The following SMAD9 variants were observed in gnomAD, a reference collection of about 807,000 sequenced individuals.
The protein encoded by SMAD9 is MAD homolog 9.
SMAD9 carries 36 observed loss-of-function variants against 46.1 expected under a neutral mutation model. That is an observed-to-expected ratio of 0.78 (90% confidence interval 0.60 to 1.03). SMAD9 has a LOEUF of 1.03. SMAD9 is among the 50% of genes least tolerant of loss of function. The pLI is 0.00. For missense variants in SMAD9, 572 were observed against 599.8 expected, an observed-to-expected ratio of 0.95 and a Z score of 0.48; for synonymous variants, 245 against 237.1, an observed-to-expected ratio of 1.03 and a Z score of -0.31.
intron 5 of SMAD9, 104 bp from the exon 6 acceptor site, chr13:36,853,779 C>A: frequency 1.7e-6 from 2 of 1,145,930 alleles, no homozygotes; most frequent in South Asian, 2.5e-5. Flanking sequence ...ATCAGGTTGT[C>A]AGATCACTGA....
At position 36,892,739 on chromosome 13, in the gene SMAD9, G is replaced by C. The variant is rs1272274439; in HGVS notation, c.-186-12864C>G. Among the ~76,000 whole-genome samples, 3 of 152,110 alleles carry C rather than the reference G, an allele frequency of 2.0e-5. No individual in the cohort carries two copies. The East Asian group carries it at 5.8e-4, about 29-fold the overall frequency. On this transcript the variant is annotated intron_variant, in intron 1 of 6. Transcript: ENST00000379826. The stretch of plus-strand genomic sequence containing the variant: ...AATAATCCAGCACAAAGCCACAACT[G>C]AGATAGATCAATAGCTGTAATCTTG...
intron 1 of SMAD9, among the ~76,000 whole-genome samples, chr13:36,915,840 T>C (rs2058694698): frequency 6.6e-6 from 1 of 152,034 alleles, no homozygotes; most frequent in South Asian, 2.1e-4. Flanking sequence ...GGGAGTCGTT[T>C]TGATTCTTGA....
intron 1 of SMAD9, among the ~76,000 whole-genome samples, chr13:36,891,024 T>C (rs1366343407): frequency 6.6e-6 from 1 of 152,158 alleles, no homozygotes; most frequent in Non-Finnish European, 1.5e-5. Context: ...AGAAAATGTA[T>C]TAACTTCACT....
intron 6 of SMAD9, among the ~76,000 whole-genome samples, chr13:36,850,736 C>T (rs922252124): frequency 2.0e-5 from 3 of 152,164 alleles, no homozygotes; most frequent in Admixed American, 6.5e-5. Context: ...GAGTTAAATA[C>T]GGTCCCTTTG....
intron 1 of SMAD9, among the ~76,000 whole-genome samples, chr13:36,887,040 G>GTTTTTTTTTT (rs200264324): frequency 3.9e-5 from 4 of 102,542 alleles, no homozygotes; most frequent in Non-Finnish European, 5.6e-5. Context: ...CTTTGAATGG[G>GTTTTTTTTTT]TTTTTTTTTT....
At chr13:36,898,840 C>T (rs1197191221) in intron 1 of SMAD9, among the ~76,000 whole-genome samples, 2 of 152,174 alleles carry the variant, frequency 1.3e-5, no homozygotes, top group East Asian at 3.8e-4. Context: ...CTGAATACTT[C>T]TCCTAAGACT....
chr13:36,895,924 T>A (rs2058524036), intron 1 of SMAD9, among the ~76,000 whole-genome samples: 1 of 152,184 alleles, frequency 6.6e-6, no homozygotes, highest in Non-Finnish European at 1.5e-5. Context: ...GAGACTTAAG[T>A]TATTGTCACA....
rs11322701 is a variant in SMAD9 at position 36,911,615 on chromosome 13, TGGGG to T, written c.-187+8497_-187+8500del. 4.1e-3 allele frequency among the ~76,000 whole-genome samples: 350 copies of T among 84,396 alleles called. 4 individuals carry two copies. Among genetic ancestry groups the T allele is most frequent in the African/African-American group, 0.011 (329 of 30,434 alleles). The allele number at this position is 84,396 out of a possible 152,430, so 55.4% of individuals were successfully genotyped here. A position where few individuals can be genotyped will look rare whatever the true frequency, so the allele number is the denominator to read the frequency against. On this transcript the variant is annotated intron_variant, in intron 1 of 6. Coordinates refer to ENST00000379826, the MANE Select transcript of SMAD9 (RefSeq NM_001127217.3). ...GGCTGTTTCCCGGCCAAAGGCTGCCTGGGGGGGGGGGGGGCGGGTGGAGTTCATA... is the reference window on the plus strand; with the variant it reads ...GGCTGTTTCCCGGCCAAAGGCTGCCTGGGGGGGGGGCGGGTGGAGTTCATA...
intron 1 of SMAD9, among the ~76,000 whole-genome samples, chr13:36,902,848 T>C (rs549300673): frequency 1.3e-5 from 2 of 152,346 alleles, no homozygotes; most frequent in African/African-American, 4.8e-5. Flanking sequence ...AATTAGGATA[T>C]GGACGTTTGT....
intron 1 of SMAD9, among the ~76,000 whole-genome samples, chr13:36,913,304 A>T (rs1164214437): frequency 6.6e-6 from 1 of 152,100 alleles, no homozygotes; most frequent in African/African-American, 2.4e-5. Context: ...AATCCTGGAG[A>T]CTAGGATTTT....
intron 1 of SMAD9, among the ~76,000 whole-genome samples, chr13:36,889,066 G>C (rs745602135): frequency 2.0e-5 from 3 of 152,146 alleles, no homozygotes; most frequent in Non-Finnish European, 4.4e-5. Flanking sequence ...GTGGGAAACA[G>C]GTTGCCCACT....
chr13:36,880,726 A>G (rs1321153864), intron 1 of SMAD9, among the ~76,000 whole-genome samples: 1 of 152,244 alleles, frequency 6.6e-6, no homozygotes, highest in Non-Finnish European at 1.5e-5. Context: ...ATATGGAGAA[A>G]AGATGACAAT....
intron 1 of SMAD9, among the ~76,000 whole-genome samples, chr13:36,894,985 G>C (rs189308333): frequency 6.6e-6 from 1 of 152,224 alleles, no homozygotes; most frequent in Non-Finnish European, 1.5e-5. Context: ...CAGTTTTCCC[G>C]AATTGTTTGG....
intron 1 of SMAD9, among the ~76,000 whole-genome samples, chr13:36,909,982 G>A (rs2058647647): frequency 6.6e-6 from 1 of 152,110 alleles, no homozygotes; most frequent in African/African-American, 2.4e-5. Flanking sequence ...TGGATCACGA[G>A]GTCAGGAGAT....
intron 4 of SMAD9, among the ~76,000 whole-genome samples, 190 bp downstream of exon 4, chr13:36,867,083 C>T (rs147809449): frequency 5.9e-5 from 9 of 152,252 alleles, no homozygotes; most frequent in Non-Finnish European, 8.8e-5. Context: ...TGATGATAAA[C>T]AAAACATTAA....
At chr13:36,902,957 T>C (rs982251851) in intron 1 of SMAD9, among the ~76,000 whole-genome samples, 12 of 152,048 alleles carry the variant, frequency 7.9e-5, no homozygotes, top group South Asian at 2.1e-4. Flanking sequence ...CCTGAAAAGA[T>C]AAAGTCATCC....
intron 1 of SMAD9, among the ~76,000 whole-genome samples, chr13:36,882,158 C>A (rs2058408210): frequency 6.6e-6 from 1 of 151,720 alleles, no homozygotes; most frequent in Non-Finnish European, 1.5e-5. Flanking sequence ...GACTTTATTG[C>A]AGAGCAGCTG....
rs903206722 is a variant in SMAD9, at chr13:36,854,072, T to C, written c.1004-397A>G. ...TACTCGGGAGGCTCAGGCAGGAGAA[T>C]TGCTTGAACCTGGGAGGCAGAGGTT... On this transcript the variant is annotated intron_variant, in intron 5 of 6. Transcript: ENST00000379826. 2.0e-5 allele frequency among the ~76,000 whole-genome samples: 3 copies of C among 152,030 alleles called. 1 individual carries two copies.
rs1593581927 is a variant in SMAD9, at chr13:36,874,565, T to C, written c.413-1650A>G. Among the ~76,000 whole-genome samples, 3 of 152,002 alleles carry C rather than the reference T, an allele frequency of 2.0e-5. No individual in the cohort carries two copies. The South Asian group carries it at 6.2e-4, about 32-fold the overall frequency. ...AGGAGGAAGGAAGAAGATGAAAACATAAGTGAGTGAGGCTGGGCATGGTGG... is the reference window on the plus strand; with the variant it reads ...AGGAGGAAGGAAGAAGATGAAAACACAAGTGAGTGAGGCTGGGCATGGTGG... On this transcript the variant is annotated intron_variant, in intron 2 of 6. Coordinates refer to ENST00000379826, the MANE Select transcript of SMAD9 (RefSeq NM_001127217.3).
Sources: gnomAD v4.1 joint callset for allele counts (sites outside exome capture counted in the v4.1 genomes callset) on GRCh38, gnomAD v4.1.1 for gene constraint, MANE v1.5 for transcripts, NCBI Gene and HGNC (gene_info 2026-07-23, HGNC 2026-07-21) for gene names.